The following TCF4 variants were observed in gnomAD, a reference collection of about 807,000 sequenced individuals.
TCF4 encodes the protein SL3-3 enhancer factor 2.
A neutral mutation model predicts 82.1 loss-of-function variants in TCF4; 3 were observed. The ratio of observed to expected loss-of-function variants is 0.04; its 90% CI spans 0.02 to 0.09. TCF4 has a LOEUF of 0.09. TCF4 is among the 10% of genes least tolerant of loss of function. The pLI is 1.00. For missense variants in TCF4, 518 were observed against 852.7 expected (o/e 0.61, Z 4.89); for synonymous variants, 276 against 309.6 (o/e 0.89, Z 1.14).
chr18:55,322,119 TTTTG>T (rs2075715906), intron 8 of TCF4: 2 of 1,046,022 alleles, frequency 1.9e-6, no homozygotes, highest in African/African-American at 1.7e-5. Context: ...TTTTTTTTTT[TTTTG>T]TTTTGTTTTG....
chr18:55,494,295 GA>G (rs536407161), intron 3 of TCF4, among the ~76,000 whole-genome samples: 5,249 of 125,540 alleles, frequency 0.042, 111 homozygotes, highest in Non-Finnish European at 0.063. Flanking sequence ...TTCTATTTGA[GA>G]AAAAAAAAAA....
intron 5 of TCF4, among the ~76,000 whole-genome samples, chr18:55,434,145 A>T (rs1242032776): frequency 6.6e-6 from 1 of 152,042 alleles, no homozygotes; most frequent in Non-Finnish European, 1.5e-5. Context: ...GCTCAACTAC[A>T]TTTCTCCTTT....
intron 11 of TCF4, chr18:55,264,902 G>A (rs1282777937): frequency 6.6e-6 from 1 of 152,194 alleles, no homozygotes; most frequent in African/African-American, 2.4e-5. Flanking sequence ...AAGAGGAACT[G>A]TAATTTTTGT....
intron 8 of TCF4, 87 bp from the exon 9 acceptor site, chr18:55,279,743 G>A (rs1445948634): frequency 1.3e-6 from 2 of 1,586,276 alleles, no homozygotes; most frequent in Non-Finnish European, 1.7e-6. Flanking sequence ...TAGGCAGAAA[G>A]TGCTACATTT....
At chr18:55,471,935 A>G (rs1421048142) in intron 3 of TCF4, among the ~76,000 whole-genome samples, 1 of 152,228 alleles carries the variant, frequency 6.6e-6, no homozygotes, top group Non-Finnish European at 1.5e-5. Flanking sequence ...TTTTCATATG[A>G]TAAGAAAAGT....
intron 3 of TCF4, among the ~76,000 whole-genome samples, chr18:55,551,967 A>C (rs2097264146): frequency 1.3e-5 from 2 of 152,240 alleles, no homozygotes; most frequent in South Asian, 2.1e-4. Context: ...TGACAATGAC[A>C]ATCACCATTT....
At chr18:55,283,503 T>C (rs1299903393) in intron 8 of TCF4, among the ~76,000 whole-genome samples, 1 of 152,170 alleles carries the variant, frequency 6.6e-6, no homozygotes, top group Non-Finnish European at 1.5e-5. Context: ...TGGAACCACT[T>C]TGGTGGCAAG....
At chr18:55,558,031 T>A (rs2097319772) in intron 3 of TCF4, among the ~76,000 whole-genome samples, 1 of 151,924 alleles carries the variant, frequency 6.6e-6, no homozygotes, top group Admixed American at 6.6e-5. Context: ...ATAGTTTGAT[T>A]CAATTTCTAC....
intron 12 of TCF4, 29 bp from the exon 13 acceptor site, chr18:55,260,056 A>C: frequency 1.4e-6 from 2 of 1,386,462 alleles, no homozygotes; most frequent in African/African-American, 1.4e-5. Context: ...AAAAAAAAAC[A>C]CCCTCATTCA....
chr18:55,495,077 C>G (rs998338612), intron 3 of TCF4, among the ~76,000 whole-genome samples: 1 of 151,680 alleles, frequency 6.6e-6, no homozygotes, highest in African/African-American at 2.4e-5. Context: ...CTTTAATCAT[C>G]AAGAGCTCAA....
At chr18:55,429,241 C>T (rs2095099658) in intron 5 of TCF4, among the ~76,000 whole-genome samples, 1 of 152,200 alleles carries the variant, frequency 6.6e-6, no homozygotes, top group Non-Finnish European at 1.5e-5. Context: ...GGGCCATCCA[C>T]ACAACACCAG....
chr18:55,392,610 T>C (rs962968494), intron 6 of TCF4, among the ~76,000 whole-genome samples: 43 of 152,304 alleles, frequency 2.8e-4, no homozygotes, highest in African/African-American at 9.9e-4. Flanking sequence ...TCTGACTCTA[T>C]GTTCACTTTG....
chr18:55,241,914 T>C (rs562342812), intron 15 of TCF4, among the ~76,000 whole-genome samples: 1 of 152,350 alleles, frequency 6.6e-6, no homozygotes, highest in South Asian at 2.1e-4. Flanking sequence ...CACCTTGTGC[T>C]GATGCATCCT....
chr18:55,574,395 G>A (rs2097507215), intron 3 of TCF4, among the ~76,000 whole-genome samples: 1 of 152,124 alleles, frequency 6.6e-6, no homozygotes, highest in African/African-American at 2.4e-5. Context: ...CGCAATTTCA[G>A]CTCACCACAA....
chr18:55,453,431 T>C (rs1432274533), intron 5 of TCF4, among the ~76,000 whole-genome samples: 3 of 152,224 alleles, frequency 2.0e-5, no homozygotes, highest in Non-Finnish European at 2.9e-5. Context: ...CTGATACAAA[T>C]TGCTTTTTAC....
At chr18:55,408,855 CG>C (rs2094216046) in intron 5 of TCF4, among the ~76,000 whole-genome samples, 1 of 151,864 alleles carries the variant, frequency 6.6e-6, no homozygotes, top group African/African-American at 2.4e-5. Flanking sequence ...ACTAGAGGCC[CG>C]ACACTGAAGA....
intron 3 of TCF4, among the ~76,000 whole-genome samples, chr18:55,500,458 C>T (rs1400832890): frequency 6.6e-6 from 1 of 152,196 alleles, no homozygotes; most frequent in African/African-American, 2.4e-5. Context: ...GCAGTGTGTG[C>T]TGAAAAGACC....
intron 3 of TCF4, among the ~76,000 whole-genome samples, chr18:55,488,581 A>G (rs922886217): frequency 3.3e-5 from 5 of 151,178 alleles, no homozygotes; most frequent in Admixed American, 2.6e-4. Context: ...GTCCTCCCAG[A>G]GACTACACAG....
chr18:55,603,359 A>T (rs1185001965), intron 2 of TCF4, among the ~76,000 whole-genome samples: 2 of 151,804 alleles, frequency 1.3e-5, no homozygotes, highest in Non-Finnish European at 1.5e-5. Context: ...CAGTTTATCC[A>T]TAACGATGAA....
Sources: allele counts gnomAD v4.1 joint callset (sites outside exome capture counted in the v4.1 genomes callset), GRCh38; gene constraint gnomAD v4.1.1; transcripts MANE v1.5; gene names NCBI Gene and HGNC (gene_info 2026-07-23, HGNC 2026-07-21).